PTPN21: variants seen among roughly 807,000 people sequenced by gnomAD.
PTPN21 encodes the protein protein tyrosine phosphatase non-receptor type 21.
PTPN21 carries 77 observed loss-of-function variants against 131.8 expected under a neutral mutation model. The observed-to-expected ratio is 0.58, with a 90% CI of 0.49 to 0.71. The LOEUF (loss-of-function observed/expected upper bound fraction) is 0.71, where lower values mean the gene tolerates loss of function less well. Ranked by LOEUF, PTPN21 falls within the 30% of genes least tolerant of loss-of-function variation. PTPN21 has a pLI of 0.00. For synonymous variants in PTPN21, 715 were observed against 621.3 expected (o/e 1.15, Z -2.24); for missense variants, 1,552 against 1,527.1 (o/e 1.02, Z -0.27).
At chr14:88,501,974 CA>C (rs371417947) in intron 6 of PTPN21, among the ~76,000 whole-genome samples, 1 of 147,904 alleles carries the variant, frequency 6.8e-6, no homozygotes, top group Admixed American at 6.7e-5. Flanking sequence ...AACAAAAAAA[CA>C]AAAAAAAACA....
intron 10 of PTPN21, among the ~76,000 whole-genome samples, chr14:88,489,044 A>G (rs2077780112): frequency 6.6e-6 from 1 of 152,136 alleles, no homozygotes; most frequent in East Asian, 1.9e-4. Context: ...TAGAACCGGC[A>G]TTTGAACCAG....
chr14:88,550,591 G>A lies in PTPN21; in HGVS notation c.-174C>T. On this transcript the variant is annotated 5_prime_UTR_variant, in exon 2 of 19. Coordinates refer to ENST00000556564, the MANE Select transcript of PTPN21 (RefSeq NM_007039.4). Reference sequence around the variant, plus strand: ...TTAAAAAGCAACGGAGTCTCCAATGGCCCGAGGAAGGGAGCATTGACGCCA... The same window carrying A: ...TTAAAAAGCAACGGAGTCTCCAATGACCCGAGGAAGGGAGCATTGACGCCA... 1.6e-6 allele frequency: 1 copy of A among 621,798 alleles called. No individual in the cohort carries two copies. Among genetic ancestry groups the A allele is most frequent in the South Asian group, 2.2e-5 (1 of 45,964 alleles). The allele number at this position is 621,798 out of a possible 1,614,324, so 38.5% of individuals were successfully genotyped here. A position where few individuals can be genotyped will look rare whatever the true frequency, so the allele number is the denominator to read the frequency against.
chr14:88,503,891 C>G (rs2078049377), intron 6 of PTPN21: 1 of 152,410 alleles, frequency 6.6e-6, no homozygotes, highest in Admixed American at 6.5e-5. Flanking sequence ...CACAGAGATT[C>G]ATCATGAAAG....
intron 2 of PTPN21, among the ~76,000 whole-genome samples, chr14:88,538,723 A>G (rs1375871974): frequency 6.6e-6 from 1 of 152,222 alleles, no homozygotes; most frequent in Non-Finnish European, 1.5e-5. Flanking sequence ...GTTATAAACC[A>G]GGAAGAAAGA....
intron 2 of PTPN21, among the ~76,000 whole-genome samples, chr14:88,521,192 C>T (rs916416810): frequency 6.6e-6 from 1 of 152,054 alleles, no homozygotes; most frequent in Non-Finnish European, 1.5e-5. Flanking sequence ...CCCATTCTCT[C>T]CACCAACAAA....
At chr14:88,529,296 C>G (rs373233674) in intron 2 of PTPN21, among the ~76,000 whole-genome samples, 1 of 152,104 alleles carries the variant, frequency 6.6e-6, no homozygotes, top group Non-Finnish European at 1.5e-5. Context: ...ATTAAACCAA[C>G]CCTACATCCC....
chr14:88,513,767 T>C (rs1464500899), intron 3 of PTPN21: 1 of 152,238 alleles, frequency 6.6e-6, no homozygotes, highest in African/African-American at 2.4e-5. Flanking sequence ...TAAGATATAT[T>C]TGCAGGTCGT....
In PTPN21 at chr14:88,479,294, CCT is replaced by C; in HGVS notation, c.2135_2136del (p.Glu712GlyfsTer141). 6.2e-7 allele frequency: 1 copy of C among 1,613,412 alleles called. No individual in the cohort carries two copies. Among genetic ancestry groups the C allele is most frequent in the Non-Finnish European group, 8.5e-7 (1 of 1,179,568 alleles). On this transcript the variant is annotated frameshift_variant, in exon 13 of 19. Transcript: ENST00000556564. LOFTEE classifies it high-confidence loss of function. Reference protein sequence around the residue: ...SDATMLIHSSEEEEDEDFEEE... With the variant: ...SDATMLIHSSXEEEDEDFEEE... ...TCCTCGAAGTCCTCGTCCTCCTCCTCCTCGCTGCTGTGGATTAGCATGGTGGC... is the reference window on the plus strand; with the variant it reads ...TCCTCGAAGTCCTCGTCCTCCTCCTCCGCTGCTGTGGATTAGCATGGTGGC...
chr14:88,479,075 G>T lies in PTPN21; in HGVS notation c.2356C>A (p.Pro786Thr), dbSNP rs140596899. The change falls in exon 13 of 19, where the codon CCC becomes ACC. Residue 786 changes from proline to threonine, a missense_variant. Physicochemically the swap from Pro to Thr is conservative, Grantham distance 38 (BLOSUM62 -1). Coordinates refer to ENST00000556564, the MANE Select transcript of PTPN21 (RefSeq NM_007039.4). ...PVRTTAEAQR[P>T]WRDGLLMPSM... Reference sequence around the variant, plus strand: ...GGCATCAGCAGCCCGTCTCTCCAGGGCCGCTGGGCCTCTGCGGTCGTGCGG... The same window carrying T: ...GGCATCAGCAGCCCGTCTCTCCAGGTCCGCTGGGCCTCTGCGGTCGTGCGG... 8 of 1,597,504 alleles carry T rather than the reference G, an allele frequency of 5.0e-6. No homozygotes were observed. The highest frequency in any genetic ancestry group is 6.8e-6 in the Non-Finnish European group (8 of 1,172,848).
chr14:88,532,357 A>G (rs2078566809), intron 2 of PTPN21, among the ~76,000 whole-genome samples: 1 of 152,160 alleles, frequency 6.6e-6, no homozygotes, highest in Admixed American at 6.5e-5. Context: ...CAACAAATTC[A>G]GTTCATTAAG....
intron 2 of PTPN21, among the ~76,000 whole-genome samples, chr14:88,519,690 A>G (rs2139318762): frequency 6.6e-6 from 1 of 152,354 alleles, no homozygotes; most frequent in African/African-American, 2.4e-5. Flanking sequence ...AAATTCAACA[A>G]GAGTGAAGAA....
intron 2 of PTPN21, among the ~76,000 whole-genome samples, chr14:88,522,503 G>A (rs1199181681): frequency 6.6e-6 from 1 of 151,486 alleles, no homozygotes; most frequent in African/African-American, 2.4e-5. Flanking sequence ...AAATAAAGGA[G>A]TCTAAGATTT....
chr14:88,553,485 A>G (rs2078891255), intron 1 of PTPN21, among the ~76,000 whole-genome samples: 2 of 152,162 alleles, frequency 1.3e-5, no homozygotes, highest in Non-Finnish European at 2.9e-5. Flanking sequence ...TAGAAATTTA[A>G]GAGTTCTTTG....
intron 10 of PTPN21, chr14:88,492,881 C>CAGGGGACACGAAGATGAGGAAG (rs1178560539): frequency 8.9e-6 from 3 of 337,212 alleles, no homozygotes; most frequent in Non-Finnish European, 1.7e-5. Context: ...CCTTGCCAGA[C>CAGGGGACACGAAGATGAGGAAG]AGGGGACACG....
intron 3 of PTPN21, among the ~76,000 whole-genome samples, chr14:88,508,560 AC>A (rs1435525368): frequency 6.6e-6 from 1 of 152,142 alleles, no homozygotes; most frequent in Non-Finnish European, 1.5e-5. Flanking sequence ...CAAAATTAAA[AC>A]GATCCTATAA....
In PTPN21 at chr14:88,469,648, G is replaced by A. The variant is rs369940914; in HGVS notation, c.3086C>T (p.Thr1029Met). The change falls in exon 17 of 19, where the codon ACG (threonine) becomes ATG (methionine). Residue 1029 changes from threonine to methionine, a missense_variant. By Grantham distance (81) the Thr-to-Met change is moderately conservative (BLOSUM62 -1). Transcript: ENST00000556564. The surrounding 1 kb of genome is among the most constrained non-coding windows in gnomAD (Gnocchi z 4.3). Reference protein sequence around the residue: ...NTVTYGRFKITTRFRTDSGCY... With the variant: ...NTVTYGRFKIMTRFRTDSGCY... The stretch of plus-strand genomic sequence containing the variant: ...GCCAGAGTCTGTGCGGAACCGGGTC[G>A]TGATCTTAAACCTTCCATAGGTGAC... 1.4e-5 allele frequency: 22 copies of A among 1,614,012 alleles called. No individual in the cohort carries two copies. The highest frequency in any genetic ancestry group is 1.6e-4 in the Middle Eastern group (1 of 6,084).
chr14:88,535,586 G>T (rs931093084), intron 2 of PTPN21, among the ~76,000 whole-genome samples: 3 of 152,172 alleles, frequency 2.0e-5, no homozygotes, highest in African/African-American at 7.2e-5. Context: ...TGATAATACT[G>T]AAAAGCACTC....
At chr14:88,519,804 A>G (rs1228909457) in intron 2 of PTPN21, among the ~76,000 whole-genome samples, 1 of 152,210 alleles carries the variant, frequency 6.6e-6, no homozygotes, top group Non-Finnish European at 1.5e-5. Context: ...CTTAGTTGCC[A>G]CCCAAGTCAT....
chr14:88,523,109 T>A (rs2078421734), intron 2 of PTPN21, among the ~76,000 whole-genome samples: 1 of 152,040 alleles, frequency 6.6e-6, no homozygotes, highest in African/African-American at 2.4e-5. Context: ...TAGGCCAGCA[T>A]TACCCCAATA....
Sources: allele counts gnomAD v4.1 joint callset (sites outside exome capture counted in the v4.1 genomes callset), GRCh38; gene constraint gnomAD v4.1.1; non-coding constraint Gnocchi (gnomAD v3.1); transcripts MANE v1.5; gene names NCBI Gene and HGNC (gene_info 2026-07-23, HGNC 2026-07-21).